Variants in RABGAP1 observed in about 807,000 individuals in gnomAD.
RABGAP1 encodes rab GTPase-activating protein 1.
In RABGAP1, 23 loss-of-function variants were observed where a neutral mutation model predicts 137.6. The ratio of observed to expected loss-of-function variants is 0.17; its 90% CI spans 0.12 to 0.24. The LOEUF (loss-of-function observed/expected upper bound fraction) is 0.24, where lower values mean the gene tolerates loss of function less well. Ranked by LOEUF, RABGAP1 falls within the 10% of genes least tolerant of loss-of-function variation. The pLI, the probability that RABGAP1 is intolerant of heterozygous loss-of-function variation, is 1.00. For missense variants in RABGAP1, 906 were observed against 1,275.8 expected, an observed-to-expected ratio of 0.71 and a Z score of 4.42; for synonymous variants, 451 against 450.7, an observed-to-expected ratio of 1.00 and a Z score of -0.01.
At chr9:122,990,773 A>AT (rs1836636527) in intron 6 of RABGAP1, 1 of 16,656 alleles carries the variant, frequency 6.0e-5, no homozygotes, top group African/African-American at 1.3e-4. Context: ...CCGTCTCAAA[A>AT]AAAAAAAAAA....
intron 10 of RABGAP1, among the ~76,000 whole-genome samples, chr9:123,007,085 G>A (rs1257570996): frequency 1.5e-4 from 1 of 6,664 alleles, no homozygotes; most frequent in East Asian, 0.071. Context: ...TTGTTTGTGG[G>A]TTTATTTTTT....
At chr9:123,058,006 C>T (rs1348941550) in intron 13 of RABGAP1, among the ~76,000 whole-genome samples, 1 of 151,056 alleles carries the variant, frequency 6.6e-6, no homozygotes, top group African/African-American at 2.4e-5. Context: ...GGCAGCAGCA[C>T]AGTCCAGCCT....
chr9:123,079,270 C>T (rs2034631567), intron 19 of RABGAP1, among the ~76,000 whole-genome samples: 4 of 137,892 alleles, frequency 2.9e-5, no homozygotes, highest in Non-Finnish European at 6.1e-5. Context: ...GACAGGGTCT[C>T]GCTTTGTCAC....
intron 6 of RABGAP1, among the ~76,000 whole-genome samples, chr9:122,993,218 G>A (rs1836835023): frequency 6.6e-6 from 1 of 152,050 alleles, no homozygotes; most frequent in African/African-American, 2.4e-5. Flanking sequence ...GACAAAGTAT[G>A]ATGAGAATAA....
chr9:122,965,290 A>G (rs1370328900), intron 2 of RABGAP1, among the ~76,000 whole-genome samples: 1 of 152,198 alleles, frequency 6.6e-6, no homozygotes, highest in Non-Finnish European at 1.5e-5. Flanking sequence ...TTAGAGACAG[A>G]AAATTAGTGG....
intron 11 of RABGAP1, among the ~76,000 whole-genome samples, chr9:123,012,273 G>C (rs936024864): frequency 9.8e-5 from 15 of 152,322 alleles, no homozygotes; most frequent in African/African-American, 2.9e-4. Context: ...TAACAGTCTT[G>C]ATTGAGGTTT....
At chr9:123,003,988 T>C (rs1412191692) in intron 10 of RABGAP1, among the ~76,000 whole-genome samples, 1 of 152,248 alleles carries the variant, frequency 6.6e-6, no homozygotes, top group Non-Finnish European at 1.5e-5. Flanking sequence ...GCCAATGTTG[T>C]ACAGATAATT....
chr9:123,100,438 T>C (rs1395626796), intron 24 of RABGAP1, among the ~76,000 whole-genome samples: 3 of 135,792 alleles, frequency 2.2e-5, no homozygotes, highest in Non-Finnish European at 4.7e-5. Flanking sequence ...TGTGTGTGTG[T>C]TTGAGACAGA....
chr9:123,009,012 T>C (rs1180932942), intron 10 of RABGAP1, among the ~76,000 whole-genome samples: 1 of 152,230 alleles, frequency 6.6e-6, no homozygotes, highest in African/African-American at 2.4e-5. Flanking sequence ...AAATGGCATA[T>C]TCATCTAGAA....
chr9:122,942,257 A>G (rs1287267008), intron 1 of RABGAP1, among the ~76,000 whole-genome samples: 2 of 152,230 alleles, frequency 1.3e-5, no homozygotes, highest in East Asian at 1.9e-4. Flanking sequence ...TTGGGAAAAA[A>G]AGCTTAGGTA....
intron 19 of RABGAP1, among the ~76,000 whole-genome samples, chr9:123,081,326 A>G (rs1469544415): frequency 6.6e-6 from 1 of 152,086 alleles, no homozygotes; most frequent in East Asian, 1.9e-4. Flanking sequence ...AGTGCCCCTA[A>G]CTCGTGTTGT....
intron 2 of RABGAP1, among the ~76,000 whole-genome samples, chr9:122,959,605 G>A (rs1834740993): frequency 6.6e-6 from 1 of 152,190 alleles, no homozygotes; most frequent in African/African-American, 2.4e-5. Context: ...AATTTGGTCA[G>A]AGGGGCAAGA....
chr9:122,975,902 T>TTAA (rs145970111), intron 2 of RABGAP1, among the ~76,000 whole-genome samples: 308 of 152,132 alleles, frequency 2.0e-3, no homozygotes, highest in African/African-American at 7.2e-3. Context: ...AGTTACAGAG[T>TTAA]TAATGTCAGA....
chr9:123,064,185 G>A (rs188575576), intron 13 of RABGAP1, among the ~76,000 whole-genome samples: 6 of 152,298 alleles, frequency 3.9e-5, no homozygotes, highest in Non-Finnish European at 4.4e-5. Flanking sequence ...CATGTAATTA[G>A]CTGCTGTAGT....
intron 13 of RABGAP1, among the ~76,000 whole-genome samples, chr9:123,051,545 C>A (rs915420205): frequency 6.6e-6 from 1 of 151,704 alleles, no homozygotes; most frequent in African/African-American, 2.4e-5. Flanking sequence ...CCACGCCTGG[C>A]CTCACCTTGG....
At chr9:122,964,128 T>G (rs1437607418) in intron 2 of RABGAP1, among the ~76,000 whole-genome samples, 1 of 152,204 alleles carries the variant, frequency 6.6e-6, no homozygotes, top group Non-Finnish European at 1.5e-5. Context: ...TGTTGAATTC[T>G]ACCAGATACT....
In RABGAP1 at chr9:123,103,254, C is replaced by T; in HGVS notation, c.*41C>T. 6.2e-7 allele frequency: 1 copy of T among 1,608,774 alleles called. No individual in the cohort carries two copies. Among genetic ancestry groups the T allele is most frequent in the Non-Finnish European group, 8.5e-7 (1 of 1,177,652 alleles). On this transcript the variant is annotated 3_prime_UTR_variant, in exon 26 of 26. Transcript: ENST00000373647. The stretch of plus-strand genomic sequence containing the variant: ...CCCGACACCTTCAGAAAACACGACA[C>T]CTTTTGTTGCCTTCTTTGGCCAGAT...
At chr9:122,977,414 G>A (rs1331743856) in intron 2 of RABGAP1, among the ~76,000 whole-genome samples, 1 of 152,188 alleles carries the variant, frequency 6.6e-6, no homozygotes, top group East Asian at 1.9e-4. Flanking sequence ...ATTAAAAAAG[G>A]ATGCAGGAGG....
chr9:122,945,100 C>A (rs1833868049), intron 1 of RABGAP1, among the ~76,000 whole-genome samples: 1 of 131,586 alleles, frequency 7.6e-6, no homozygotes, highest in Admixed American at 8.8e-5. Flanking sequence ...GGACTTAATG[C>A]CCGTGAGTAT....
Sources: gnomAD v4.1 joint callset for allele counts (sites outside exome capture counted in the v4.1 genomes callset) on GRCh38, gnomAD v4.1.1 for gene constraint, MANE v1.5 for transcripts, NCBI Gene and HGNC (gene_info 2026-07-23, HGNC 2026-07-21) for gene names.